ITGA9: variants seen among roughly 807,000 people sequenced by gnomAD.
The protein encoded by ITGA9 is integrin subunit alpha 9.
A neutral mutation model predicts 127.8 loss-of-function variants in ITGA9; 56 were observed. That is an observed-to-expected ratio of 0.44 (90% CI 0.35 to 0.55). The LOEUF (loss-of-function observed/expected upper bound fraction) is 0.55, where lower values mean the gene tolerates loss of function less well. Among genes scored for constraint, ITGA9 ranks in the 20% least tolerant of loss-of-function variants. The probability of loss-of-function intolerance (pLI) is 0.00; values close to 1 mark genes in which losing one functional copy is unlikely to be tolerated. For synonymous variants in ITGA9, 508 were observed against 514.5 expected, an observed-to-expected ratio of 0.99 and a Z score of 0.17; for missense variants, 1,196 against 1,347.1, an observed-to-expected ratio of 0.89 and a Z score of 1.76.
At chr3:37,782,149 C>T (rs944328241) in intron 25 of ITGA9, among the ~76,000 whole-genome samples, 1 of 152,214 alleles carries the variant, frequency 6.6e-6, no homozygotes, top group African/African-American at 2.4e-5. Context: ...AGGACTATGC[C>T]TCTGCATATG....
chr3:37,760,648 G>A (rs984981932), intron 23 of ITGA9, among the ~76,000 whole-genome samples: 2 of 152,094 alleles, frequency 1.3e-5, no homozygotes, highest in Non-Finnish European at 2.9e-5. Context: ...GAGAAAGCCT[G>A]TACCTCACAG....
chr3:37,723,393 A>G (rs927568780), intron 18 of ITGA9, among the ~76,000 whole-genome samples: 2 of 151,992 alleles, frequency 1.3e-5, no homozygotes, highest in Non-Finnish European at 2.9e-5. Context: ...CAGAGTCTCG[A>G]TGTGTCACCC....
chr3:37,805,218 T>C (rs1302796458), intron 27 of ITGA9, among the ~76,000 whole-genome samples: 1 of 152,034 alleles, frequency 6.6e-6, no homozygotes, highest in South Asian at 2.1e-4. Context: ...TGGCTCATTT[T>C]TTTATTTTTT....
intron 11 of ITGA9, among the ~76,000 whole-genome samples, chr3:37,519,781 A>G (rs1174536442): frequency 6.6e-6 from 1 of 152,250 alleles, no homozygotes; most frequent in Non-Finnish European, 1.5e-5. Context: ...GCTGGCCTCA[A>G]AACCAGGAGC....
intron 17 of ITGA9, among the ~76,000 whole-genome samples, chr3:37,667,557 C>G (rs1700597732): frequency 6.6e-6 from 1 of 152,214 alleles, no homozygotes. Flanking sequence ...TGCAGCAGAA[C>G]TCTGTGTTTC....
At chr3:37,766,333 A>G (rs1696780000) in intron 23 of ITGA9, among the ~76,000 whole-genome samples, 1 of 152,220 alleles carries the variant, frequency 6.6e-6, no homozygotes, top group Non-Finnish European at 1.5e-5. Context: ...CTTCTCTTTA[A>G]TCTAAACTTA....
intron 15 of ITGA9, among the ~76,000 whole-genome samples, chr3:37,623,311 C>T (rs141924584): frequency 1.3e-5 from 2 of 152,226 alleles, no homozygotes; most frequent in African/African-American, 4.8e-5. Context: ...TTTCGCCCCT[C>T]AAGTCCTCAT....
At position 37,526,041 on chromosome 3, in the gene ITGA9, C is replaced by G. The variant is rs1699089712; in HGVS notation, c.1343C>G (p.Ala448Gly). Reference protein sequence around the residue: ...GNGYPDVTVGAFMSDSVVLLR... With the variant: ...GNGYPDVTVGGFMSDSVVLLR... ...TCATTTTCAGATGTCACTGTTGGAG[C>G]CTTCATGTCCGACAGCGTGGTTCTT... Residue 448 changes from alanine (A) to glycine (G), a missense_variant, in exon 13 of 28, where the codon GCC (alanine) becomes GGC (glycine). Ala to Gly is a moderately conservative substitution (Grantham distance 60, BLOSUM62 0). Transcript: ENST00000264741. 3 of 1,613,892 alleles carry G rather than the reference C, an allele frequency of 1.9e-6. No homozygotes were observed. Among genetic ancestry groups the G allele is most frequent in the African/African-American group, 2.7e-5 (2 of 74,906 alleles).
At chr3:37,725,073 A>T (rs1181858452) in intron 18 of ITGA9, among the ~76,000 whole-genome samples, 1 of 152,162 alleles carries the variant, frequency 6.6e-6, no homozygotes, top group East Asian at 1.9e-4. Flanking sequence ...CCCCTGCTGG[A>T]TTGACTACAT....
At chr3:37,574,576 C>T (rs1699634798) in intron 15 of ITGA9, among the ~76,000 whole-genome samples, 1 of 152,236 alleles carries the variant, frequency 6.6e-6, no homozygotes, top group African/African-American at 2.4e-5. Context: ...CTGTTGAACT[C>T]CCACTGGGAT....
At chr3:37,542,364 A>C in intron 14 of ITGA9, 61 bp from the exon 15 acceptor site, 1 of 1,556,038 alleles carries the variant, frequency 6.4e-7, no homozygotes, top group Non-Finnish European at 8.9e-7. Flanking sequence ...CAAGGAAAAG[A>C]GGTGGCCTCA....
intron 18 of ITGA9, 148 bp from the exon 19 acceptor site, chr3:37,732,564 G>A (rs1466688737): frequency 8.6e-6 from 6 of 700,356 alleles, no homozygotes; most frequent in Non-Finnish European, 1.6e-5. Context: ...GCTGGAAGGG[G>A]GCTGGAGACG....
intron 8 of ITGA9, among the ~76,000 whole-genome samples, chr3:37,512,061 TTTCTTTCTTTCTTTCCTTCCTTCC>T (rs1474337392): frequency 2.5e-4 from 18 of 73,104 alleles, no homozygotes; most frequent in Admixed American, 8.2e-4. Context: ...TCTTTCTTTC[TTTCTTTCTTTCTTTCCTTCCTTCC>T]TTCCTTCCTT....
intron 26 of ITGA9, among the ~76,000 whole-genome samples, chr3:37,802,321 A>G (rs149205738): frequency 6.6e-6 from 1 of 152,366 alleles, no homozygotes; most frequent in East Asian, 1.9e-4. Context: ...GCTAGGCATT[A>G]TAACATCAGT....
intron 4 of ITGA9, among the ~76,000 whole-genome samples, chr3:37,482,331 C>A (rs912873787): frequency 6.6e-6 from 1 of 152,202 alleles, no homozygotes; most frequent in Non-Finnish European, 1.5e-5. Context: ...AGACTTAGAA[C>A]CTTCAAATGC....
chr3:37,511,390 G>T (rs1698902967), intron 8 of ITGA9, among the ~76,000 whole-genome samples: 1 of 152,166 alleles, frequency 6.6e-6, no homozygotes, highest in African/African-American at 2.4e-5. Context: ...AAGTTTTATT[G>T]AATTAACGGA....
rs113394980 is a variant in ITGA9, at chr3:37,595,370, C to T, written c.1690-33817C>T. Among the ~76,000 whole-genome samples the T allele has an allele frequency of 3.2e-3, 482 of 152,254 alleles. 2 individuals are homozygous for T. The highest frequency in any genetic ancestry group is 0.011 in the African/African-American group (457 of 41,564). ...CCACACAAGGAAGAAGTGCAGATGG[C>T]AGGGGATTCCGGTGGCCAGGGACCA... On this transcript the variant is annotated intron_variant, in intron 15 of 27. Transcript: ENST00000264741.
chr3:37,488,324 C>CT lies in ITGA9; in HGVS notation c.545-6167dup, dbSNP rs529962715. On this transcript the variant is annotated intron_variant, in intron 4 of 27. Transcript: ENST00000264741. ...TGTGACTGTCCCATGTTCAGGGTCA[C>CT]TTTTTTTTTTCTGAGAGTAGAGCAT... Among the ~76,000 whole-genome samples the CT allele has an allele frequency of 2.9e-4, 43 of 149,766 alleles. No homozygotes were observed. The South Asian group carries it at 6.8e-3, about 24-fold the overall frequency.
intron 18 of ITGA9, among the ~76,000 whole-genome samples, chr3:37,728,565 G>A (rs1696245621): frequency 6.6e-6 from 1 of 152,190 alleles, no homozygotes; most frequent in South Asian, 2.1e-4. Flanking sequence ...TACTGGTGTT[G>A]CCTTGAATGA....
Sources: gnomAD v4.1 joint callset for allele counts (sites outside exome capture counted in the v4.1 genomes callset) on GRCh38, gnomAD v4.1.1 for gene constraint, MANE v1.5 for transcripts, NCBI Gene and HGNC (gene_info 2026-07-23, HGNC 2026-07-21) for gene names.